The following VPS54 variants were observed in gnomAD, a reference collection of about 807,000 sequenced individuals.
The protein encoded by VPS54 is VPS54 subunit of GARP complex.
VPS54 carries 45 observed loss-of-function variants against 121.5 expected under a neutral mutation model. The ratio of observed to expected loss-of-function variants is 0.37; its 90% confidence interval spans 0.29 to 0.47. VPS54 has a LOEUF of 0.47. VPS54 is among the 20% of genes least tolerant of loss of function. VPS54 has a pLI of 0.99. For synonymous variants in VPS54, 371 were observed against 385.8 expected, an observed-to-expected ratio of 0.96 and a Z score of 0.45; for missense variants, 1,090 against 1,131.4, an observed-to-expected ratio of 0.96 and a Z score of 0.52.
At chr2:63,974,844 G>A in intron 3 of VPS54, 1 of 903,792 alleles carries the variant, frequency 1.1e-6, no homozygotes, top group South Asian at 2.9e-5. Context: ...GATTCTTTGG[G>A]ATTTTCCACA....
intron 3 of VPS54, among the ~76,000 whole-genome samples, chr2:63,981,017 C>A (rs1199725577): frequency 1.3e-5 from 2 of 151,816 alleles, no homozygotes; most frequent in East Asian, 1.9e-4. Context: ...TAAAATAAAA[C>A]CAGCTAAATT....
intron 3 of VPS54, 100 bp downstream of exon 3, chr2:63,981,546 G>A (rs183162888): frequency 1.5e-6 from 2 of 1,314,846 alleles, no homozygotes; most frequent in South Asian, 1.5e-5. Flanking sequence ...GAATACTATA[G>A]GTTCATCAAA....
At chr2:63,932,827 T>C (rs940356651) in intron 12 of VPS54, among the ~76,000 whole-genome samples, 3 of 152,132 alleles carry the variant, frequency 2.0e-5, no homozygotes, top group African/African-American at 7.2e-5. Context: ...TTGGTAAACT[T>C]TGTTTAAATG....
chr2:63,959,514 CAT>C (rs1172093496), intron 7 of VPS54, among the ~76,000 whole-genome samples: 1 of 152,106 alleles, frequency 6.6e-6, no homozygotes. Flanking sequence ...ACTCTTTACA[CAT>C]GTGGTTCTAA....
chr2:64,017,633 A>G (rs1678769769), intron 1 of VPS54, among the ~76,000 whole-genome samples: 1 of 152,254 alleles, frequency 6.6e-6, no homozygotes, highest in African/African-American at 2.4e-5. Context: ...AACAGTCTTT[A>G]CGATTTGGTT....
chr2:63,934,245 C>A (rs1674351093), intron 11 of VPS54, among the ~76,000 whole-genome samples: 1 of 152,138 alleles, frequency 6.6e-6, no homozygotes, highest in South Asian at 2.1e-4. Context: ...TATATTTTAA[C>A]TAATTTTTAA....
At chr2:64,009,554 G>A (rs1678330566) in intron 1 of VPS54, among the ~76,000 whole-genome samples, 1 of 152,260 alleles carries the variant, frequency 6.6e-6, no homozygotes, top group African/African-American at 2.4e-5. Flanking sequence ...GACCTCAGGT[G>A]ATCCGCCTGC....
At chr2:64,005,053 C>T (rs1260489544) in intron 1 of VPS54, among the ~76,000 whole-genome samples, 2 of 140,072 alleles carry the variant, frequency 1.4e-5, no homozygotes, top group African/African-American at 2.6e-5. Flanking sequence ...GCTGGTATTA[C>T]AGGCATGAGC....
At chr2:63,951,397 A>C (rs1675236696) in intron 7 of VPS54, among the ~76,000 whole-genome samples, 1 of 152,108 alleles carries the variant, frequency 6.6e-6, no homozygotes, top group African/African-American at 2.4e-5. Context: ...GTATGTATTA[A>C]AGACAATAAA....
chr2:63,917,206 T>C (rs1673427085), intron 15 of VPS54, among the ~76,000 whole-genome samples: 1 of 152,096 alleles, frequency 6.6e-6, no homozygotes, highest in East Asian at 1.9e-4. Flanking sequence ...ATTTAACCTC[T>C]TTGAGTATCA....
In VPS54 at chr2:63,933,704, A is replaced by G; in HGVS notation, c.1708T>C (p.Ser570Pro). 1 of 1,613,436 alleles carries G rather than the reference A, an allele frequency of 6.2e-7. No individual in the cohort carries two copies. ...DSSSSKEHTSSSAIPGGVDIM... is the reference protein window; with the variant it reads ...DSSSSKEHTSPSAIPGGVDIM... ...TCCACACCTCCTGGAATAGCAGATGATGATGTGTGCTCTTTGCTGGATGAA... is the reference window on the plus strand; with the variant it reads ...TCCACACCTCCTGGAATAGCAGATGGTGATGTGTGCTCTTTGCTGGATGAA... Residue 570 changes from serine to proline, a missense_variant, in exon 12 of 23, where the codon TCA (serine) becomes CCA (proline). Coordinates refer to ENST00000272322, the MANE Select transcript of VPS54 (RefSeq NM_016516.3).
intron 12 of VPS54, 98 bp from the exon 13 acceptor site, chr2:63,921,433 T>G: frequency 3.6e-6 from 5 of 1,373,424 alleles, no homozygotes; most frequent in Non-Finnish European, 4.9e-6. Flanking sequence ...GCTGTAAAAT[T>G]CACATTTGAA....
At chr2:63,954,998 C>T (rs1675428387) in intron 7 of VPS54, among the ~76,000 whole-genome samples, 1 of 151,848 alleles carries the variant, frequency 6.6e-6, no homozygotes, top group Non-Finnish European at 1.5e-5. Context: ...AATTTTGAGA[C>T]TAACAGGAAA....
chr2:63,947,866 C>A (rs1413112282), intron 8 of VPS54, among the ~76,000 whole-genome samples: 2 of 151,956 alleles, frequency 1.3e-5, no homozygotes, highest in Non-Finnish European at 2.9e-5. Context: ...AGACAGCGTT[C>A]CACTCTGTTG....
chr2:63,917,006 G>T, intron 15 of VPS54, 43 bp from the exon 16 acceptor site: 1 of 1,592,738 alleles, frequency 6.3e-7, no homozygotes, highest in Non-Finnish European at 8.6e-7. Context: ...AGTACCAGAC[G>T]AAACAAAATA....
chr2:63,983,467 T>C (rs554290767), intron 2 of VPS54, among the ~76,000 whole-genome samples: 6 of 124,180 alleles, frequency 4.8e-5, no homozygotes, highest in Middle Eastern at 4.8e-3. Flanking sequence ...TTTTTTGAGA[T>C]GGAGTCTGTC....
chr2:63,921,121 TG>T (rs1254363323), intron 13 of VPS54, 84 bp downstream of exon 13: 3 of 1,409,836 alleles, frequency 2.1e-6, no homozygotes, highest in Non-Finnish European at 9.5e-7. Context: ...ATATGCATTA[TG>T]GGGAACACAG....
chr2:63,922,321 TTCTC>T (rs1475862755), intron 12 of VPS54, among the ~76,000 whole-genome samples: 2 of 152,236 alleles, frequency 1.3e-5, no homozygotes, highest in Non-Finnish European at 2.9e-5. Flanking sequence ...AACCTCATTT[TTCTC>T]TCTTTCAGTT....
chr2:63,932,128 C>A (rs1272055115), intron 12 of VPS54, among the ~76,000 whole-genome samples: 2 of 152,296 alleles, frequency 1.3e-5, no homozygotes, highest in East Asian at 1.9e-4. Context: ...ACTAGAAATA[C>A]CATTTGACCC....
Sources: gnomAD v4.1 joint callset for allele counts (sites outside exome capture counted in the v4.1 genomes callset) on GRCh38, gnomAD v4.1.1 for gene constraint, MANE v1.5 for transcripts, NCBI Gene and HGNC (gene_info 2026-07-23, HGNC 2026-07-21) for gene names.